NFIX: variants seen among roughly 807,000 people sequenced by gnomAD.
NFIX encodes nuclear factor 1 X-type.
A neutral mutation model predicts 53.3 loss-of-function variants in NFIX; 2 were observed. That is an observed-to-expected ratio of 0.04 (90% confidence interval 0.02 to 0.12). The LOEUF is 0.12. Ranked by LOEUF, NFIX falls within the 10% of genes least tolerant of loss-of-function variation. The pLI, the probability that NFIX is intolerant of heterozygous loss-of-function variation, is 1.00. For missense variants in NFIX, 310 were observed against 674.5 expected, an observed-to-expected ratio of 0.46 and a Z score of 5.99; for synonymous variants, 244 against 289.0, an observed-to-expected ratio of 0.84 and a Z score of 1.58.
rs1366082205 is a variant in NFIX, at chr19:13,043,771, C to T, written c.559+18219C>T. On this transcript the variant is annotated intron_variant, in intron 2 of 10. Coordinates refer to ENST00000592199, the MANE Select transcript of NFIX (RefSeq NM_001365902.3). The surrounding 1 kb of genome is among the most constrained non-coding windows in gnomAD (Gnocchi z 4.0). ...TGAGCATGCTCTCATCAGACTTGGT[C>T]CCCACTGCCATGGCACTCTTATCTG... Among the ~76,000 whole-genome samples, 1 of 152,148 alleles carries T rather than the reference C, an allele frequency of 6.6e-6. No individual in the cohort carries two copies. The highest frequency in any genetic ancestry group is 1.5e-5 in the Non-Finnish European group (1 of 68,010).
At chr19:13,007,281 G>T (rs552410768) in intron 1 of NFIX, among the ~76,000 whole-genome samples, 1 of 152,284 alleles carries the variant, frequency 6.6e-6, no homozygotes, top group Non-Finnish European at 1.5e-5. Flanking sequence ...GGGAATTTGG[G>T]GGTGGGGGCC....
In NFIX at chr19:13,078,877, G is replaced by A. The variant is rs1383791474; in HGVS notation, c.1078+142G>A. The stretch of plus-strand genomic sequence containing the variant: ...GTGGGCCAAGGTGCAGCAGCGGGTG[G>A]GCATGGGAGCCGGCCCCTGCTTCAC... On this transcript the variant is annotated intron_variant, in intron 7 of 10. Coordinates refer to ENST00000592199, the MANE Select transcript of NFIX (RefSeq NM_001365902.3). The surrounding 1 kb of genome is among the most constrained non-coding windows in gnomAD (Gnocchi z 4.7). 3 of 1,045,110 alleles carry A rather than the reference G, an allele frequency of 2.9e-6. No homozygotes were observed. Among genetic ancestry groups the A allele is most frequent in the East Asian group, 5.3e-5 (2 of 37,626 alleles). 64.7% of individuals were successfully genotyped at this position (1,045,110 alleles called of 1,614,324 possible).
In NFIX at chr19:12,995,818, T is replaced by G; in HGVS notation, c.-20T>G. The G allele has an allele frequency of 1.0e-6, 1 of 974,582 alleles. No homozygotes were observed. The highest frequency in any genetic ancestry group is 1.2e-6 in the Non-Finnish European group (1 of 824,166). The allele number at this position is 974,582 out of a possible 1,614,324, so 60.4% of individuals were successfully genotyped here. On this transcript the variant is annotated 5_prime_UTR_variant, in exon 1 of 11. Coordinates refer to ENST00000592199, the MANE Select transcript of NFIX (RefSeq NM_001365902.3). ...CCCTCGCCGCGGCCGGCCGCCGCGC[T>G]CCCGCCCGGGCGCCCAGCTATGTAC...
Position 13,025,613 on chromosome 19 carries a change from T to A in NFIX, c.559+61T>A. On this transcript the variant is annotated intron_variant, in intron 2 of 10. Transcript: ENST00000592199. The surrounding 1 kb of genome is among the most constrained non-coding windows in gnomAD (Gnocchi z 7.5). ...ATTTTCCTTGCTGGCATTTGTTCTG[T>A]TTATTGTTCCTCTAATTTCCAAGCG... is the stretch of plus-strand genomic sequence containing the variant. The A allele has an allele frequency of 6.4e-7, 1 of 1,556,648 alleles. No individual in the cohort carries two copies. The highest frequency in any genetic ancestry group is 8.7e-7 in the Non-Finnish European group (1 of 1,151,886).
intron 1 of NFIX, chr19:13,024,059 T>G: frequency 7.1e-7 from 1 of 1,403,062 alleles, no homozygotes; most frequent in African/African-American, 1.4e-5. Context: ...TTTTCCAGTT[T>G]TATTTTTGTA....
chr19:13,017,042 A>T (rs988073155), intron 1 of NFIX, among the ~76,000 whole-genome samples: 5 of 152,092 alleles, frequency 3.3e-5, no homozygotes, highest in African/African-American at 9.7e-5. Flanking sequence ...GCATTAATTA[A>T]CTCAAGTTCG....
intron 1 of NFIX, among the ~76,000 whole-genome samples, chr19:13,015,131 C>T (rs1380999583): frequency 6.6e-6 from 1 of 152,026 alleles, no homozygotes; most frequent in Non-Finnish European, 1.5e-5. Context: ...CTTTTATTTT[C>T]CTTGTTATTT....
intron 2 of NFIX, among the ~76,000 whole-genome samples, chr19:13,029,266 A>G (rs973617830): frequency 6.6e-6 from 1 of 152,230 alleles, no homozygotes; most frequent in African/African-American, 2.4e-5. Flanking sequence ...CACATCTCTA[A>G]AGATACGGAC....
intron 10 of NFIX, among the ~76,000 whole-genome samples, chr19:13,092,761 C>A (rs530229870): frequency 6.6e-6 from 1 of 152,346 alleles, no homozygotes; most frequent in Admixed American, 6.5e-5. Context: ...CGCTTCCCAC[C>A]CCCGGGCCTG....
chr19:13,020,359 A>G (rs1599729919), intron 1 of NFIX, among the ~76,000 whole-genome samples: 1 of 152,036 alleles, frequency 6.6e-6, no homozygotes, highest in African/African-American at 2.4e-5. Flanking sequence ...TTCTAATGGA[A>G]CCCGAGCAAT....
At chr19:12,997,229 G>A (rs2011502098) in intron 1 of NFIX, among the ~76,000 whole-genome samples, 1 of 152,232 alleles carries the variant, frequency 6.6e-6, no homozygotes, top group African/African-American at 2.4e-5. Context: ...GTCGGGGTGT[G>A]TGTCAGCTGT....
chr19:13,018,909 T>C (rs770190190), intron 1 of NFIX, among the ~76,000 whole-genome samples: 1 of 152,266 alleles, frequency 6.6e-6, no homozygotes, highest in Admixed American at 6.5e-5. Flanking sequence ...GCCCTGTTTA[T>C]GGCCTTTTTA....
chr19:12,997,966 G>A (rs1374812039), intron 1 of NFIX, among the ~76,000 whole-genome samples: 2 of 152,244 alleles, frequency 1.3e-5, no homozygotes, highest in Non-Finnish European at 2.9e-5. Flanking sequence ...TTCATGGTGG[G>A]CAGGGAAACC....
At position 13,090,506 on chromosome 19, in the gene NFIX, T is replaced by G. The variant is rs1241797269; in HGVS notation, c.1494+116T>G. ...CTTGGGGCTAACAGGGAGAGAGAGG[T>G]CTGAGGTGGGGCTGGAGGGCCCAGG... On this transcript the variant is annotated intron_variant, in intron 10 of 10. Transcript: ENST00000592199. This position sits in a 1 kb window ranked among gnomAD's most constrained non-coding sequence, Gnocchi z 6.6. 2.4e-5 allele frequency: 24 copies of G among 1,013,020 alleles called. No homozygotes were observed. Among genetic ancestry groups the G allele is most frequent in the Non-Finnish European group, 3.5e-5 (23 of 650,300 alleles). The allele number at this position is 1,013,020 out of a possible 1,614,324, so 62.8% of individuals were successfully genotyped here.
chr19:13,061,167 C>G (rs2016063642), intron 2 of NFIX, among the ~76,000 whole-genome samples: 1 of 151,178 alleles, frequency 6.6e-6, no homozygotes, highest in South Asian at 2.1e-4. Context: ...AGGGTGGGAC[C>G]GGGCTCACTG....
intron 2 of NFIX, among the ~76,000 whole-genome samples, chr19:13,054,489 G>C (rs889916458): frequency 5.3e-5 from 8 of 152,118 alleles, no homozygotes; most frequent in Non-Finnish European, 1.0e-4. Flanking sequence ...GCTCAGAGGA[G>C]TCTCCAGAGT....
rs1287855567 is a variant in NFIX at position 13,049,708 on chromosome 19, C to T, written c.560-23339C>T. 1.3e-5 allele frequency among the ~76,000 whole-genome samples: 2 copies of T among 151,854 alleles called. No homozygotes were observed. Among genetic ancestry groups the T allele is most frequent in the African/African-American group, 4.8e-5 (2 of 41,304 alleles). On this transcript the variant is annotated intron_variant, in intron 2 of 10. Coordinates refer to ENST00000592199, the MANE Select transcript of NFIX (RefSeq NM_001365902.3). The surrounding 1 kb of genome is among the most constrained non-coding windows in gnomAD (Gnocchi z 4.5). ...TCCTGGGTTCAAGCGATTCTTCTGCCTCGGCCTCCTAAGTAGCTGGGACTA... is the reference window on the plus strand; with the variant it reads ...TCCTGGGTTCAAGCGATTCTTCTGCTTCGGCCTCCTAAGTAGCTGGGACTA...
chr19:13,009,293 A>G lies in NFIX; in HGVS notation c.27+13429A>G, dbSNP rs1433819952. 6.6e-6 allele frequency among the ~76,000 whole-genome samples: 1 copy of G among 151,352 alleles called. No individual in the cohort carries two copies. The highest frequency in any genetic ancestry group is 2.4e-5 in the African/African-American group (1 of 41,346). ...AATAACAGCTACCGACTCCAGAGCA[A>G]TTATGCCTGGGCAGCGGGTGGGTGG... is the stretch of plus-strand genomic sequence containing the variant. On this transcript the variant is annotated intron_variant, in intron 1 of 10. Transcript: ENST00000592199. The surrounding 1 kb of genome is among the most constrained non-coding windows in gnomAD (Gnocchi z 4.7).
chr19:13,000,672 T>C (rs1313348142), intron 1 of NFIX, among the ~76,000 whole-genome samples: 2 of 152,106 alleles, frequency 1.3e-5, no homozygotes, highest in African/African-American at 4.8e-5. Flanking sequence ...CATCCAAATG[T>C]ATGTGGGACA....
Sources: gnomAD v4.1 joint callset for allele counts (sites outside exome capture counted in the v4.1 genomes callset) on GRCh38, gnomAD v4.1.1 for gene constraint, Gnocchi (gnomAD v3.1) non-coding constraint, MANE v1.5 for transcripts, NCBI Gene and HGNC (gene_info 2026-07-23, HGNC 2026-07-21) for gene names.